The following PCDHA6 variants were observed in gnomAD, a reference collection of about 807,000 sequenced individuals.
PCDHA6 encodes the protein protocadherin alpha-6.
In PCDHA6, 55 loss-of-function variants were observed where a neutral mutation model predicts 60.3. The ratio of observed to expected loss-of-function variants is 0.91; its 90% CI spans 0.73 to 1.14. The LOEUF is 1.14. Among genes scored for constraint, PCDHA6 ranks in the 50% most tolerant of loss-of-function variants. The pLI is 0.00. For missense variants in PCDHA6, 1,327 were observed against 1,256.5 expected (o/e 1.06, Z -0.85); for synonymous variants, 652 against 557.9 (o/e 1.17, Z -2.38).
intron 1 of PCDHA6, chr5:140,858,448 C>A (rs1554151646): frequency 3.3e-6 from 5 of 1,532,196 alleles, no homozygotes; most frequent in African/African-American, 1.4e-5. Context: ...TGGGTTATTA[C>A]GTTTTCATTT....
chr5:140,843,337 C>A lies in PCDHA6; in HGVS notation c.2394+12852C>A, dbSNP rs2150357766. On this transcript the variant is annotated intron_variant, in intron 1 of 3. Coordinates refer to ENST00000529310, the MANE Select transcript of PCDHA6 (RefSeq NM_018909.4). ...CGGTTCTGGTGTCGCTGGTGGAGAGCGGCCAGGCTCCAAAAGCGTCATCGA... is the reference window on the plus strand; with the variant it reads ...CGGTTCTGGTGTCGCTGGTGGAGAGAGGCCAGGCTCCAAAAGCGTCATCGA... 16 of 1,596,000 alleles carry A rather than the reference C, an allele frequency of 1.0e-5. 3 individuals carry two copies. Among genetic ancestry groups the A allele is most frequent in the Non-Finnish European group, 1.2e-5 (14 of 1,165,568 alleles).
intron 1 of PCDHA6, chr5:140,849,998 G>C (rs1331024860): frequency 6.3e-7 from 1 of 1,597,138 alleles, no homozygotes; most frequent in Admixed American, 1.7e-5. Context: ...GGTTGGGCGA[G>C]CGCTCGCTGT....
At chr5:140,967,643 A>G in intron 1 of PCDHA6, 1 of 1,614,164 alleles carries the variant, frequency 6.2e-7, no homozygotes, top group East Asian at 2.2e-5. Flanking sequence ...TGGTGAGCTC[A>G]GGTACTCCTT....
In PCDHA6 at chr5:140,985,515, T is replaced by G. The variant is rs529024123; in HGVS notation, c.2542+2952T>G. The stretch of plus-strand genomic sequence containing the variant: ...AGAGCCTGCCTTTCATTGATTCTGT[T>G]GCCCTTAAAGCTTCACGGTGAAGAT... On this transcript the variant is annotated intron_variant, in intron 3 of 3. Transcript: ENST00000529310. Among the ~76,000 whole-genome samples, 8 of 152,284 alleles carry G rather than the reference T, an allele frequency of 5.3e-5. No individual in the cohort carries two copies. In the South Asian group the frequency reaches 1.7e-3, roughly 32 times the overall value.
Position 140,851,044 on chromosome 5 carries a change from G to A in PCDHA6, c.2394+20559G>A, listed in dbSNP as rs781824317. 121 of 1,389,526 alleles carry A rather than the reference G, an allele frequency of 8.7e-5. 9 individuals are homozygous for A. The highest frequency in any genetic ancestry group is 1.1e-4 in the Non-Finnish European group (114 of 1,060,604). 86.1% of individuals were successfully genotyped at this position (1,389,526 alleles called of 1,614,324 possible). On this transcript the variant is annotated intron_variant, in intron 1 of 3. Transcript: ENST00000529310. ...AAGTAAACCCCTTAACATTGGAGCC[G>A]ACTTTGTCTTGACTTCTAGTGAGAA... is the stretch of plus-strand genomic sequence containing the variant.
At chr5:140,892,641 T>G (rs2063609688) in intron 1 of PCDHA6, among the ~76,000 whole-genome samples, 1 of 152,226 alleles carries the variant, frequency 6.6e-6, no homozygotes. Flanking sequence ...TTGTACATAT[T>G]TATAGGATAC....
At chr5:140,864,740 C>G (rs2048582672) in intron 1 of PCDHA6, 1 of 152,028 alleles carries the variant, frequency 6.6e-6, no homozygotes, top group African/African-American at 2.4e-5. Context: ...TCTTTGAGCA[C>G]CGATTATACT....
At position 140,900,792 on chromosome 5, in the gene PCDHA6, C is replaced by T. The variant is rs373914544; in HGVS notation, c.2394+70307C>T. On this transcript the variant is annotated intron_variant, in intron 1 of 3. Transcript: ENST00000529310. ...CTTTTTGAGGAAACTCCAAACTGTT[C>T]TCCATAGTGCTTGTACTAATTTACA... 1.1e-4 allele frequency among the ~76,000 whole-genome samples: 16 copies of T among 152,298 alleles called. No individual in the cohort carries two copies. The South Asian group carries it at 1.5e-3, about 14-fold the overall frequency.
At chr5:140,858,594 G>A (rs1554151838) in intron 1 of PCDHA6, 5 of 1,317,532 alleles carry the variant, frequency 3.8e-6, no homozygotes, top group Admixed American at 2.6e-5. Context: ...TTTATTCCAG[G>A]AGTTTTAAAA....
At chr5:140,858,624 G>T (rs112932902) in intron 1 of PCDHA6, 7 of 1,115,778 alleles carry the variant, frequency 6.3e-6, no homozygotes, top group African/African-American at 4.7e-5. Context: ...CCTACCCAGT[G>T]TGTCAGCCTT....
At chr5:140,994,222 C>T (rs2097605581) in intron 3 of PCDHA6, among the ~76,000 whole-genome samples, 1 of 152,168 alleles carries the variant, frequency 6.6e-6, no homozygotes, top group Admixed American at 6.5e-5. Context: ...CAGGGTCTGT[C>T]TATGTTATAA....
intron 1 of PCDHA6, among the ~76,000 whole-genome samples, chr5:140,920,841 T>TA (rs781921146): frequency 0.047 from 5,179 of 109,134 alleles, 120 homozygotes; most frequent in African/African-American, 0.092. Flanking sequence ...AGACCAAATC[T>TA]AAAAAAAAAA....
intron 1 of PCDHA6, chr5:140,876,598 G>T: frequency 6.2e-7 from 1 of 1,614,168 alleles, no homozygotes; most frequent in Non-Finnish European, 8.5e-7. Flanking sequence ...TAGCGTGTCG[G>T]ATCGTGACTC....
At chr5:140,886,615 C>A (rs1032902050) in intron 1 of PCDHA6, among the ~76,000 whole-genome samples, 2 of 152,028 alleles carry the variant, frequency 1.3e-5, no homozygotes, top group Admixed American at 1.3e-4. Flanking sequence ...ATCAGGAGAT[C>A]AGGAGTCCGA....
rs2150492048 is a variant in PCDHA6, at chr5:140,850,648, A to T, written c.2394+20163A>T. The T allele has an allele frequency of 6.9e-6, 11 of 1,598,398 alleles. No individual in the cohort carries two copies. In the South Asian group the frequency reaches 1.1e-4, roughly 16 times the overall value. On this transcript the variant is annotated intron_variant, in intron 1 of 3. Coordinates refer to ENST00000529310, the MANE Select transcript of PCDHA6 (RefSeq NM_018909.4). ...CTGTTGGTTCTCACGCTGCTGCTGT[A>T]CACTGTGCTGCGGTGCTCGGCGATG...
chr5:140,858,185 C>T, intron 1 of PCDHA6: 1 of 1,597,454 alleles, frequency 6.3e-7, no homozygotes, highest in South Asian at 1.1e-5. Flanking sequence ...GGTGCTCACG[C>T]TGCTGCTGTA....
intron 3 of PCDHA6, among the ~76,000 whole-genome samples, chr5:140,995,405 T>G (rs1203404732): frequency 2.6e-5 from 4 of 152,154 alleles, no homozygotes; most frequent in African/African-American, 9.7e-5. Context: ...TGGCTCGAGA[T>G]TTCATCACAT....
intron 1 of PCDHA6, chr5:140,842,523 T>C (rs2150338056): frequency 6.2e-7 from 1 of 1,613,420 alleles, no homozygotes; most frequent in South Asian, 1.1e-5. Flanking sequence ...GTGTCCACCT[T>C]CAAGAATTAC....
chr5:140,849,032 C>T (rs2040752468), intron 1 of PCDHA6: 1 of 1,579,200 alleles, frequency 6.3e-7, no homozygotes, highest in Non-Finnish European at 8.6e-7. Flanking sequence ...AGTATTTCTT[C>T]CTGGACGTGC....
Sources: gnomAD v4.1 joint callset for allele counts (sites outside exome capture counted in the v4.1 genomes callset) on GRCh38, gnomAD v4.1.1 for gene constraint, MANE v1.5 for transcripts, NCBI Gene and HGNC (gene_info 2026-07-23, HGNC 2026-07-21) for gene names.